The following TAF4 variants were observed in gnomAD, a reference collection of about 807,000 sequenced individuals.
TAF4 encodes transcription initiation factor TFIID subunit 4.
A neutral mutation model predicts 90.3 loss-of-function variants in TAF4; 9 were observed. The ratio of observed to expected loss-of-function variants is 0.10; its 90% CI spans 0.06 to 0.17. TAF4 has a LOEUF of 0.17. Among genes scored for constraint, TAF4 ranks in the 10% least tolerant of loss-of-function variants. TAF4 has a pLI of 1.00. For missense variants in TAF4, 1,351 were observed against 1,370.7 expected, an observed-to-expected ratio of 0.99 and a Z score of 0.23; for synonymous variants, 818 against 638.9, an observed-to-expected ratio of 1.28 and a Z score of -4.23.
intron 14 of TAF4, among the ~76,000 whole-genome samples, chr20:61,987,182 C>T (rs1352107825): frequency 6.6e-6 from 1 of 152,142 alleles, no homozygotes; most frequent in African/African-American, 2.4e-5. Context: ...ATTCTACAGC[C>T]TGGACGTCAT....
At position 62,012,830 on chromosome 20, in the gene TAF4, G is replaced by A; in HGVS notation, c.1626C>T (p.Arg542=). The A allele has an allele frequency of 3.7e-6, 6 of 1,613,062 alleles. No homozygotes were observed. Among genetic ancestry groups the A allele is most frequent in the Non-Finnish European group, 5.1e-6 (6 of 1,179,734 alleles). Residue 542 remains arginine (R), a synonymous_variant, in exon 3 of 15, where the codon CGC becomes CGT. Transcript: ENST00000252996. Reference sequence around the variant, plus strand: ...GCCCTCTCACCTGGACGCCGGGCGAGCGCTGCAGGGTTGCACTGGGCTGCA... The same window carrying A: ...GCCCTCTCACCTGGACGCCGGGCGAACGCTGCAGGGTTGCACTGGGCTGCA... ...TTVQPSATLQ[R]SPGVQPQLVL... is the part of the protein sequence containing the mutation.
chr20:62,062,518 G>C (rs1041799650), intron 1 of TAF4, among the ~76,000 whole-genome samples: 1 of 152,076 alleles, frequency 6.6e-6, no homozygotes, highest in African/African-American at 2.4e-5. Flanking sequence ...TTTTTAGATA[G>C]TAGCATTCGG....
rs1314711501 is a variant in TAF4 at position 61,976,299 on chromosome 20, C to T, written c.3127G>A (p.Gly1043Ser). ...GTGAACTGTCTGGGGGTTCCGACAC[C>T]CGAGCTGCCTGGGACCACTGAGCCG... ...GPGSVVPGSS[G>S]VGTPRQFTRQ... The change falls in exon 15 of 15, where the codon GGT (glycine) becomes AGT (serine). Residue 1043 changes from glycine (G) to serine (S), a missense_variant. Coordinates refer to ENST00000252996, the MANE Select transcript of TAF4 (RefSeq NM_003185.4). 2.5e-6 allele frequency: 4 copies of T among 1,613,690 alleles called. No homozygotes were observed. The highest frequency in any genetic ancestry group is 1.7e-4 in the Middle Eastern group (1 of 6,008).
At chr20:61,993,238 G>A (rs931747833) in intron 14 of TAF4, among the ~76,000 whole-genome samples, 7 of 152,164 alleles carry the variant, frequency 4.6e-5, no homozygotes, top group Admixed American at 1.3e-4. Flanking sequence ...CACCGTCCCC[G>A]GGGCGCACAG....
chr20:62,062,180 AAG>A (rs1488220830), intron 1 of TAF4, among the ~76,000 whole-genome samples: 1 of 152,212 alleles, frequency 6.6e-6, no homozygotes, highest in Admixed American at 6.5e-5. Context: ...TTAACCAAGC[AAG>A]AGTTATTTTT....
chr20:62,009,170 G>C lies in TAF4; in HGVS notation c.1766C>G (p.Thr589Ser). 6.2e-7 allele frequency: 1 copy of C among 1,606,968 alleles called. No homozygotes were observed. Among genetic ancestry groups the C allele is most frequent in the Non-Finnish European group, 8.5e-7 (1 of 1,177,834 alleles). Residue 589 changes from threonine (T) to serine (S), a missense_variant, in exon 5 of 15, where the codon ACT becomes AGT. Physicochemically the swap from Thr to Ser is moderately conservative, Grantham distance 58 (BLOSUM62 1). Transcript: ENST00000252996. Reference protein sequence around the residue: ...ATTTSSAATETMENVKKCKNF... With the variant: ...ATTTSSAATESMENVKKCKNF... ...TTTACATTTCTTCACGTTTTCCATA[G>C]TTTCCTGGATTAAAGTAAAAAGATA...
intron 1 of TAF4, among the ~76,000 whole-genome samples, chr20:62,045,603 A>G (rs748928364): frequency 6.6e-6 from 1 of 152,242 alleles, no homozygotes; most frequent in Non-Finnish European, 1.5e-5. Context: ...CAAATTTTCT[A>G]GGATGAGTAC....
rs1178025775 is a variant in TAF4, at chr20:62,012,821, G to A, written c.1635C>T (p.Gly545=). ...CCGCCGCCTGCCCTCTCACCTGGAC[G>A]CCGGGCGAGCGCTGCAGGGTTGCAC... ...QPSATLQRSP[G]VQPQLVLGGA... Residue 545 remains glycine, a synonymous_variant, in exon 3 of 15, where the codon GGC becomes GGT. Coordinates refer to ENST00000252996, the MANE Select transcript of TAF4 (RefSeq NM_003185.4). 1.1e-5 allele frequency: 18 copies of A among 1,611,234 alleles called. No homozygotes were observed. In the Admixed American group the frequency reaches 1.2e-4, roughly 11 times the overall value.
At chr20:61,990,966 C>T (rs2123111009) in intron 14 of TAF4, among the ~76,000 whole-genome samples, 1 of 152,310 alleles carries the variant, frequency 6.6e-6, no homozygotes, top group East Asian at 1.9e-4. Context: ...AAATCCCAGA[C>T]AGGCTCCCAT....
At chr20:62,051,274 G>A (rs909490396) in intron 1 of TAF4, among the ~76,000 whole-genome samples, 22 of 152,122 alleles carry the variant, frequency 1.4e-4, no homozygotes, top group Non-Finnish European at 2.9e-5. Flanking sequence ...GCCCCTTCCT[G>A]CCCACTGGCC....
chr20:62,000,365 C>T, intron 10 of TAF4, 111 bp from the exon 11 acceptor site: 1 of 1,483,388 alleles, frequency 6.7e-7, no homozygotes. Context: ...AAGGGGAGCC[C>T]AGAAAGGCTG....
At chr20:62,029,484 G>GCACACA (rs534147759) in intron 1 of TAF4, among the ~76,000 whole-genome samples, 2 of 142,132 alleles carry the variant, frequency 1.4e-5, no homozygotes, top group African/African-American at 2.7e-5. Flanking sequence ...GTGCGCGCGC[G>GCACACA]CGCACACACA....
intron 1 of TAF4, among the ~76,000 whole-genome samples, chr20:62,052,637 A>C (rs2056035725): frequency 6.6e-6 from 1 of 151,648 alleles, no homozygotes; most frequent in Non-Finnish European, 1.5e-5. Context: ...CAAGTGTCCC[A>C]TGGCTTGAAC....
In TAF4 at chr20:62,010,753, G is replaced by A. The variant is rs1022501086; in HGVS notation, c.1642-588C>T. On this transcript the variant is annotated intron_variant, in intron 3 of 14. Transcript: ENST00000252996. This position sits in a 1 kb window ranked among gnomAD's most constrained non-coding sequence, Gnocchi z 4.5. Reference sequence around the variant, plus strand: ...TTCAGAGCAGATTCGAGCAATGGAGGATGGGTCATCAGTGTCAAACTGTCA... The same window carrying A: ...TTCAGAGCAGATTCGAGCAATGGAGAATGGGTCATCAGTGTCAAACTGTCA... Among the ~76,000 whole-genome samples the A allele has an allele frequency of 6.6e-6, 1 of 152,170 alleles. No individual in the cohort carries two copies. The highest frequency in any genetic ancestry group is 2.4e-5 in the African/African-American group (1 of 41,454).
In TAF4 at chr20:62,035,198, G is replaced by C. The variant is rs1017212407; in HGVS notation, c.1361-20491C>G. Among the ~76,000 whole-genome samples the C allele has an allele frequency of 1.4e-4, 21 of 152,156 alleles. 1 individual carries two copies. Among genetic ancestry groups the C allele is most frequent in the Admixed American group, 1.4e-3 (21 of 15,280 alleles). The stretch of plus-strand genomic sequence containing the variant: ...AAATAACCTACAAGGACTTTTATGG[G>C]CCCCGAAGAGTTGATTCTAAAATTT... On this transcript the variant is annotated intron_variant, in intron 1 of 14. Coordinates refer to ENST00000252996, the MANE Select transcript of TAF4 (RefSeq NM_003185.4).
chr20:62,059,924 A>G (rs1383717620), intron 1 of TAF4, among the ~76,000 whole-genome samples: 1 of 152,238 alleles, frequency 6.6e-6, no homozygotes, highest in Non-Finnish European at 1.5e-5. Flanking sequence ...CTTTCTTCAA[A>G]TTTATCCCTT....
At chr20:62,042,445 G>A (rs143992898) in intron 1 of TAF4, among the ~76,000 whole-genome samples, 4 of 152,342 alleles carry the variant, frequency 2.6e-5, no homozygotes, top group Admixed American at 6.5e-5. Context: ...GAGAGGGCAG[G>A]GGGAAAAAGG....
Position 62,006,688 on chromosome 20 carries a change from G to A in TAF4, c.2045C>T (p.Pro682Leu), listed in dbSNP as rs746623196. The change falls in exon 7 of 15, where the codon CCG becomes CTG. Residue 682 changes from proline to leucine, a missense_variant. Physicochemically the swap from Pro to Leu is moderately conservative, Grantham distance 98. Transcript: ENST00000252996. This position sits in a 1 kb window ranked among gnomAD's most constrained non-coding sequence, Gnocchi z 7.0. ...AAFIQQSQQQ[P>L]PPPTSQATTA... ...GGTGGCCTGCGAGGTGGGCGGTGGCGGCTGCTGCTGGCTCTGCTGGATGAA... is the reference window on the plus strand; with the variant it reads ...GGTGGCCTGCGAGGTGGGCGGTGGCAGCTGCTGCTGGCTCTGCTGGATGAA... The A allele has an allele frequency of 2.0e-5, 32 of 1,592,052 alleles. 1 individual carries two copies. The highest frequency in any genetic ancestry group is 1.5e-4 in the African/African-American group (11 of 74,030).
intron 1 of TAF4, among the ~76,000 whole-genome samples, chr20:62,053,739 C>T (rs954418526): frequency 1.3e-5 from 2 of 152,228 alleles, no homozygotes; most frequent in South Asian, 2.1e-4. Context: ...TGGCTGTCCA[C>T]CCGTATCCCA....
Sources: allele counts gnomAD v4.1 joint callset (sites outside exome capture counted in the v4.1 genomes callset), GRCh38; gene constraint gnomAD v4.1.1; non-coding constraint Gnocchi (gnomAD v3.1); transcripts MANE v1.5; gene names NCBI Gene and HGNC (gene_info 2026-07-23, HGNC 2026-07-21).